Variants in ABCA3 observed in about 807,000 individuals in gnomAD.
ABCA3 encodes the protein phospholipid-transporting ATPase ABCA3.
In ABCA3, 88 loss-of-function variants were observed where a neutral mutation model predicts 172.8. The ratio of observed to expected loss-of-function variants is 0.51; its 90% confidence interval spans 0.43 to 0.61. ABCA3 has a LOEUF of 0.61. Among genes scored for constraint, ABCA3 ranks in the 20% least tolerant of loss-of-function variants. The pLI is 0.00. For synonymous variants in ABCA3, 1,066 were observed against 983.8 expected (o/e 1.08, Z -1.56); for missense variants, 2,164 against 2,301.0 (o/e 0.94, Z 1.22).
chr16:2,299,639 C>T (rs1445016210), intron 13 of ABCA3, 107 bp from the exon 14 acceptor site: 11 of 1,553,726 alleles, frequency 7.1e-6, no homozygotes, highest in Middle Eastern at 1.7e-4. Flanking sequence ...CCAAGCCTAG[C>T]GTCACCATCA....
rs751140771 is a variant in ABCA3 at position 2,281,334 on chromosome 16, A to G, written c.4164+47T>C. On this transcript the variant is annotated intron_variant, in intron 27 of 32. Transcript: ENST00000301732. The surrounding 1 kb of genome is among the most constrained non-coding windows in gnomAD (Gnocchi z 4.7). ...ATGGGGTCGGACCCTGGGGACAGCC[A>G]GGTAGTCAGCTGGCAGGAAGGACTC... 6.2e-7 allele frequency: 1 copy of G among 1,613,392 alleles called. No individual in the cohort carries two copies. Among genetic ancestry groups the G allele is most frequent in the Non-Finnish European group, 8.5e-7 (1 of 1,179,894 alleles).
chr16:2,302,286 C>A (rs1053347408), intron 12 of ABCA3, among the ~76,000 whole-genome samples: 5 of 151,998 alleles, frequency 3.3e-5, no homozygotes, highest in East Asian at 1.9e-4. Context: ...TCTCCCCGAC[C>A]GAGCTGGTCT....
At chr16:2,325,949 G>GCCTC in intron 5 of ABCA3, 61 bp downstream of exon 5, 1 of 1,605,898 alleles carries the variant, frequency 6.2e-7, no homozygotes, top group Non-Finnish European at 8.5e-7. Flanking sequence ...CTCGACCCCT[G>GCCTC]CCTGCCCAGC....
At chr16:2,327,690 C>T (rs113939221) in intron 3 of ABCA3, among the ~76,000 whole-genome samples, 3 of 152,072 alleles carry the variant, frequency 2.0e-5, no homozygotes, top group Admixed American at 6.5e-5. Flanking sequence ...ATCAGAGCCT[C>T]GCAGCAAAAA....
At chr16:2,291,417 TG>T (rs1001946614) in intron 19 of ABCA3, among the ~76,000 whole-genome samples, 1 of 151,538 alleles carries the variant, frequency 6.6e-6, no homozygotes, top group Non-Finnish European at 1.5e-5. Context: ...CCCAAAGTGC[TG>T]GGATGACAGG....
rs542003370 is a variant in ABCA3 at position 2,278,045 on chromosome 16, G to A, written c.4743C>T (p.Cys1581=). The change falls in exon 31 of 33, where the codon TGC becomes TGT. Residue 1581 remains cysteine (C), a synonymous_variant. Transcript: ENST00000301732. The surrounding 1 kb of genome is among the most constrained non-coding windows in gnomAD (Gnocchi z 4.4). ...SHSMEECEAL[C]TRLAIMVQGQ... ...CCTGCACCATGATGGCCAGCCGGGT[G>A]CACAGGGCCTCACACTCCTCCATGC... is the stretch of plus-strand genomic sequence containing the variant. 6.2e-7 allele frequency: 1 copy of A among 1,613,422 alleles called. No homozygotes were observed. Among genetic ancestry groups the A allele is most frequent in the South Asian group, 1.1e-5 (1 of 91,080 alleles).
At chr16:2,300,253 A>G in intron 12 of ABCA3, 105 bp from the exon 13 acceptor site, 1 of 1,486,018 alleles carries the variant, frequency 6.7e-7, no homozygotes. Flanking sequence ...CTGTCCCAGG[A>G]CTTCGAGGCA....
At chr16:2,325,253 G>C (rs1264735002) in intron 5 of ABCA3, among the ~76,000 whole-genome samples, 1 of 152,188 alleles carries the variant, frequency 6.6e-6, no homozygotes, top group Non-Finnish European at 1.5e-5. Context: ...TGTCACAGAA[G>C]GGCTTTCCCT....
rs1280055697 is a variant in ABCA3, at chr16:2,281,686, G to T, written c.4036-177C>A. ...AGACCTTTTACTAGAAGACACAGTGGTCTTACGGGGCTAAACTAGCATCCA... is the reference window on the plus strand; with the variant it reads ...AGACCTTTTACTAGAAGACACAGTGTTCTTACGGGGCTAAACTAGCATCCA... On this transcript the variant is annotated intron_variant, in intron 26 of 32. Transcript: ENST00000301732. The surrounding 1 kb of genome is among the most constrained non-coding windows in gnomAD (Gnocchi z 4.7). Among the ~76,000 whole-genome samples the T allele has an allele frequency of 6.6e-6, 1 of 152,122 alleles. No homozygotes were observed. The highest frequency in any genetic ancestry group is 1.5e-5 in the Non-Finnish European group (1 of 68,036).
chr16:2,297,006 C>T lies in ABCA3; in HGVS notation c.2263+323G>A, dbSNP rs1276446894. On this transcript the variant is annotated intron_variant, in intron 17 of 32. Transcript: ENST00000301732. The surrounding 1 kb of genome is among the most constrained non-coding windows in gnomAD (Gnocchi z 5.6). ...GGCCCTGGCCATGCTGTGAGCTGCT[C>T]TCACGTGGGAGCTGCCATGTTGGTG... 1.3e-5 allele frequency among the ~76,000 whole-genome samples: 2 copies of T among 152,228 alleles called. No homozygotes were observed. Among genetic ancestry groups the T allele is most frequent in the Non-Finnish European group, 2.9e-5 (2 of 68,046 alleles).
Position 2,297,746 on chromosome 16 carries a change from C to A in ABCA3, c.2052+20G>T. 1 of 1,608,534 alleles carries A rather than the reference C, an allele frequency of 6.2e-7. No homozygotes were observed. The highest frequency in any genetic ancestry group is 8.5e-7 in the Non-Finnish European group (1 of 1,179,994). The stretch of plus-strand genomic sequence containing the variant: ...GTCGAGCAGGAGGGGAACCCACTGC[C>A]TCCAGTCCCACCGCCACACCTTGGA... On this transcript the variant is annotated intron_variant, in intron 16 of 32. Coordinates refer to ENST00000301732, the MANE Select transcript of ABCA3 (RefSeq NM_001089.3). This position sits in a 1 kb window ranked among gnomAD's most constrained non-coding sequence, Gnocchi z 5.6.
intron 1 of ABCA3, among the ~76,000 whole-genome samples, chr16:2,331,144 C>G (rs544971744): frequency 2.7e-4 from 41 of 152,270 alleles, no homozygotes; most frequent in Non-Finnish European, 2.9e-5. Context: ...ACTCCTAGAA[C>G]ATAACATCAG....
chr16:2,276,152 C>T lies in ABCA3; in HGVS notation c.*522G>A, dbSNP rs940894484. On this transcript the variant is annotated 3_prime_UTR_variant, in exon 33 of 33. Transcript: ENST00000301732. ...CAGGATGCCCCCGGGCTGCGCTGGA[C>T]GCTAAGACCCCAGCACCTAATCACA... 8.0e-5 allele frequency: 29 copies of T among 361,870 alleles called. No individual in the cohort carries two copies. The highest frequency in any genetic ancestry group is 1.3e-4 in the Non-Finnish European group (24 of 180,782). 22.4% of individuals were successfully genotyped at this position (361,870 alleles called of 1,614,324 possible).
chr16:2,306,851 T>G (rs987323551), intron 11 of ABCA3, among the ~76,000 whole-genome samples: 1 of 151,362 alleles, frequency 6.6e-6, no homozygotes, highest in Non-Finnish European at 1.5e-5. Context: ...CCGTCTCTAC[T>G]AAAAATACAA....
At chr16:2,332,775 T>C (rs1044928150) in intron 1 of ABCA3, 8 of 833,484 alleles carry the variant, frequency 9.6e-6, no homozygotes, top group African/African-American at 1.7e-5. Context: ...TATTTTTGTG[T>C]GCACCATAGG....
At chr16:2,296,968 G>C (rs1265988256) in intron 17 of ABCA3, among the ~76,000 whole-genome samples, 1 of 152,214 alleles carries the variant, frequency 6.6e-6, no homozygotes, top group Non-Finnish European at 1.5e-5. Context: ...CCCAGATCCT[G>C]TCAGCCCCTG....
chr16:2,278,050 G>T lies in ABCA3; in HGVS notation c.4738C>A (p.Leu1580Met), dbSNP rs755265762. The T allele has an allele frequency of 1.2e-6, 2 of 1,613,438 alleles. No homozygotes were observed. Among genetic ancestry groups the T allele is most frequent in the Non-Finnish European group, 1.7e-6 (2 of 1,180,008 alleles). The change falls in exon 31 of 33, where the codon CTG becomes ATG. Residue 1580 changes from leucine to methionine, a missense_variant. Around this residue, in one of 3 missense-constraint regions of ABCA3, gnomAD observed 795 missense variants for 881.9 expected, o/e 0.90. Transcript: ENST00000301732. This position sits in a 1 kb window ranked among gnomAD's most constrained non-coding sequence, Gnocchi z 4.4. ...ACCATGATGGCCAGCCGGGTGCACA[G>T]GGCCTCACACTCCTCCATGCTGTGG... ...TSHSMEECEALCTRLAIMVQG... is the reference protein window; with the variant it reads ...TSHSMEECEAMCTRLAIMVQG...
chr16:2,296,635 C>T (rs1193826131), intron 17 of ABCA3, among the ~76,000 whole-genome samples: 1 of 152,216 alleles, frequency 6.6e-6, no homozygotes, highest in Non-Finnish European at 1.5e-5. Flanking sequence ...CTCTCAGAGG[C>T]CGTGGTGGAT....
Position 2,333,450 on chromosome 16 carries a change from G to A in ABCA3, c.-538-3596C>T, listed in dbSNP as rs191147246. Among the ~76,000 whole-genome samples the A allele has an allele frequency of 9.9e-5, 15 of 152,250 alleles. No homozygotes were observed. The East Asian group carries it at 2.1e-3, about 22-fold the overall frequency. ...TCACATTTGGTGCTTTTCCTTCAGG[G>A]GAGGACCCAACATCCCAATATTGAC... is the stretch of plus-strand genomic sequence containing the variant. On this transcript the variant is annotated intron_variant, in intron 1 of 32. Coordinates refer to ENST00000301732, the MANE Select transcript of ABCA3 (RefSeq NM_001089.3).
Sources: gnomAD v4.1 joint callset for allele counts (sites outside exome capture counted in the v4.1 genomes callset) on GRCh38, gnomAD v4.1.1 for gene constraint, gnomAD v4.1.1 regional missense constraint, Gnocchi (gnomAD v3.1) non-coding constraint, MANE v1.5 for transcripts, NCBI Gene and HGNC (gene_info 2026-07-23, HGNC 2026-07-21) for gene names.